STAB2: variants seen among roughly 807,000 people sequenced by gnomAD.
STAB2 encodes stabilin-2.
Under a neutral mutation model 338.1 loss-of-function variants are expected in STAB2, and 288 were observed. The ratio of observed to expected loss-of-function variants is 0.85; its 90% CI spans 0.77 to 0.94. The LOEUF (loss-of-function observed/expected upper bound fraction) is 0.94, where lower values mean the gene tolerates loss of function less well. STAB2 is among the 40% of genes least tolerant of loss of function. The probability of loss-of-function intolerance (pLI) is 0.00; values close to 1 mark genes in which losing one functional copy is unlikely to be tolerated. For synonymous variants in STAB2, 1,202 were observed against 1,193.3 expected (o/e 1.01, Z -0.15); for missense variants, 3,141 against 3,210.1 (o/e 0.98, Z 0.52).
chr12:103,740,838 A>G, intron 55 of STAB2, 82 bp downstream of exon 55: 2 of 1,468,886 alleles, frequency 1.4e-6, no homozygotes, highest in Non-Finnish European at 1.8e-6. Flanking sequence ...ATGTACCAAA[A>G]TTATAGGGGG....
At chr12:103,654,863 G>T in intron 13 of STAB2, 165 bp downstream of exon 13, 1 of 860,448 alleles carries the variant, frequency 1.2e-6, no homozygotes. Flanking sequence ...AGAAACCTGG[G>T]AATCTCTGCA....
intron 49 of STAB2, among the ~76,000 whole-genome samples, chr12:103,731,262 C>T (rs1385275132): frequency 6.6e-6 from 1 of 152,112 alleles, no homozygotes; most frequent in Non-Finnish European, 1.5e-5. Context: ...GTTGATCTCC[C>T]TTCTAGCAGC....
chr12:103,679,574 C>T (rs550920181), intron 25 of STAB2, among the ~76,000 whole-genome samples: 20 of 152,080 alleles, frequency 1.3e-4, no homozygotes, highest in African/African-American at 4.8e-4. Flanking sequence ...CAATAGACCA[C>T]AGAAGGTGCT....
chr12:103,679,478 T>G (rs1876700860), intron 25 of STAB2, among the ~76,000 whole-genome samples: 1 of 152,132 alleles, frequency 6.6e-6, no homozygotes, highest in Non-Finnish European at 1.5e-5. Flanking sequence ...CTCCCACTCT[T>G]GAAAACTGGT....
chr12:103,636,802 G>A (rs182260892), intron 6 of STAB2, among the ~76,000 whole-genome samples: 454 of 152,170 alleles, frequency 3.0e-3, no homozygotes, highest in Non-Finnish European at 4.4e-3. Context: ...AGAGATCAAG[G>A]CAGATCCTTA....
At chr12:103,648,349 G>T (rs1489549801) in intron 9 of STAB2, among the ~76,000 whole-genome samples, 1 of 152,168 alleles carries the variant, frequency 6.6e-6, no homozygotes, top group Non-Finnish European at 1.5e-5. Context: ...CAGTCATGCA[G>T]TGGAGCCCTA....
chr12:103,622,726 A>G (rs1044014856), intron 5 of STAB2, among the ~76,000 whole-genome samples: 7 of 152,230 alleles, frequency 4.6e-5, no homozygotes, highest in African/African-American at 1.7e-4. Context: ...TGAGGTTCTC[A>G]GCCCTGGCAT....
At chr12:103,620,913 A>C (rs1957290718) in intron 4 of STAB2, among the ~76,000 whole-genome samples, 1 of 152,164 alleles carries the variant, frequency 6.6e-6, no homozygotes, top group Non-Finnish European at 1.5e-5. Context: ...CCTAGCCAGC[A>C]TGGTGAAACC....
intron 46 of STAB2, 99 bp downstream of exon 46, chr12:103,726,262 G>C (rs1881196926): frequency 1.6e-6 from 2 of 1,282,864 alleles, no homozygotes; most frequent in Admixed American, 3.6e-5. Flanking sequence ...GCCAAGGCGG[G>C]CAGATTGCCT....
Position 103,652,681 on chromosome 12 carries a change from G to A in STAB2, c.1383G>A (p.Ser461=), listed in dbSNP as rs150239598. The A allele has an allele frequency of 2.0e-4, 323 of 1,600,118 alleles. No homozygotes were observed. The African/African-American group carries it at 3.8e-3, about 19-fold the overall frequency. Residue 461 remains serine, a synonymous_variant, in exon 12 of 69, where the codon TCG becomes TCA. Coordinates refer to ENST00000388887, the MANE Select transcript of STAB2 (RefSeq NM_017564.10). ...TGTTCTACACCTTGACTGGAAAGTC[G>A]GGGGAAATCTTCAACAGCGATAAGG... The part of the protein sequence containing the change: ...TDMFYTLTGK[S]GEIFNSDKDN...
chr12:103,702,322 C>T (rs575696573), intron 34 of STAB2, among the ~76,000 whole-genome samples: 3 of 147,606 alleles, frequency 2.0e-5, no homozygotes, highest in Non-Finnish European at 1.5e-5. Context: ...GACGGAGTCT[C>T]GCTCTGTCGC....
At chr12:103,764,922 A>C (rs1884811217) in intron 68 of STAB2, among the ~76,000 whole-genome samples, 1 of 133,994 alleles carries the variant, frequency 7.5e-6, no homozygotes, top group Admixed American at 7.6e-5. Context: ...ACATGGTGAA[A>C]TCCCATGTCT....
In STAB2 at chr12:103,742,493, C is replaced by T. The variant is rs765388034; in HGVS notation, c.5970C>T (p.Thr1990=). ...CCACCGGAGAGTGTAAATGCAACAC[C>T]GGCTTCAATGGGACGGCGTGTGAGA... The part of the protein sequence containing the change: ...YSATGECKCN[T]GFNGTACEMC... The change falls in exon 56 of 69, where the codon ACC becomes ACT. Residue 1990 remains threonine (T), a synonymous_variant. Transcript: ENST00000388887. 46 of 1,613,974 alleles carry T rather than the reference C, an allele frequency of 2.9e-5. No individual in the cohort carries two copies. The highest frequency in any genetic ancestry group is 1.6e-4 in the Middle Eastern group (1 of 6,084).
In STAB2 at chr12:103,731,585, A is replaced by G. The variant is rs929640878; in HGVS notation, c.5233A>G (p.Thr1745Ala). ...CTTATTATCTTTGCAGCAAAATCTT[A>G]CGACTTTGGCAACAAACAATGGCTA... ...DNSGRILQNL[T>A]TLATNNGYIK... is the part of the protein sequence containing the mutation. The change falls in exon 50 of 69, where the codon ACG becomes GCG. Residue 1745 changes from threonine (T) to alanine (A), a missense_variant. By Grantham distance (58) the Thr-to-Ala change is moderately conservative. Transcript: ENST00000388887. 2 of 1,613,882 alleles carry G rather than the reference A, an allele frequency of 1.2e-6. No homozygotes were observed. The highest frequency in any genetic ancestry group is 8.5e-7 in the Non-Finnish European group (1 of 1,179,972).
chr12:103,667,536 A>AT (rs1344927357), intron 19 of STAB2, among the ~76,000 whole-genome samples: 3 of 152,206 alleles, frequency 2.0e-5, no homozygotes, highest in South Asian at 2.1e-4. Context: ...CCAGGGAAAG[A>AT]GAAGGAAGAG....
chr12:103,700,288 CAA>C (rs1198278069), intron 34 of STAB2, among the ~76,000 whole-genome samples: 3 of 151,398 alleles, frequency 2.0e-5, no homozygotes, highest in African/African-American at 7.3e-5. Context: ...AAAATTAAAA[CAA>C]ATTATTTAAG....
At chr12:103,617,267 C>A (rs11832217) in intron 3 of STAB2, among the ~76,000 whole-genome samples, 16,086 of 152,150 alleles carry the variant, frequency 0.11, 1,150 homozygotes, top group African/African-American at 0.2. Context: ...GAAATAAGAA[C>A]CAAGTCTGTA....
intron 58 of STAB2, 82 bp downstream of exon 58, chr12:103,746,786 C>T: frequency 1.5e-6 from 2 of 1,377,816 alleles, no homozygotes; most frequent in African/African-American, 1.4e-5. Flanking sequence ...TGGGCTTCAT[C>T]CTAGCCCTCC....
At chr12:103,690,799 G>A (rs1238255366) in intron 30 of STAB2, among the ~76,000 whole-genome samples, 1 of 152,134 alleles carries the variant, frequency 6.6e-6, no homozygotes, top group Non-Finnish European at 1.5e-5. Flanking sequence ...ACAGACCACA[G>A]ACTAACCCAG....
Sources: allele counts gnomAD v4.1 joint callset (sites outside exome capture counted in the v4.1 genomes callset), GRCh38; gene constraint gnomAD v4.1.1; transcripts MANE v1.5; gene names NCBI Gene and HGNC (gene_info 2026-07-23, HGNC 2026-07-21).